Variants in COL18A1 observed in about 807,000 individuals in gnomAD.
COL18A1 encodes the protein collagen type XVIII alpha 1 chain.
In COL18A1, 133 loss-of-function variants were observed where a neutral mutation model predicts 168.0. The ratio of observed to expected loss-of-function variants is 0.79; its 90% confidence interval spans 0.69 to 0.91. COL18A1 has a LOEUF of 0.91. COL18A1 is among the 40% of genes least tolerant of loss of function. The pLI is 0.00. For synonymous variants in COL18A1, 949 were observed against 809.0 expected (o/e 1.17, Z -2.94); for missense variants, 2,126 against 1,925.4 (o/e 1.10, Z -1.95).
intron 2 of COL18A1, among the ~76,000 whole-genome samples, chr21:45,459,108 G>C (rs1025381121): frequency 6.6e-6 from 1 of 152,206 alleles, no homozygotes; most frequent in African/African-American, 2.4e-5. Flanking sequence ...CATTGCCTCT[G>C]GCCAGGGGTG....
intron 2 of COL18A1, among the ~76,000 whole-genome samples, chr21:45,410,310 G>T (rs1437986752): frequency 6.6e-6 from 1 of 152,244 alleles, no homozygotes; most frequent in South Asian, 2.1e-4. Flanking sequence ...GGCAGGGCAG[G>T]CACCAGCACC....
In COL18A1 at chr21:45,510,241, G is replaced by A. The variant is rs77326997; in HGVS notation, c.3673G>A (p.Val1225Met). The part of the protein sequence containing the change: ...SIVRRADRAA[V>M]PIVNLKDELL... ...CGTGCGCCGTGCCGACCGCGCAGCC[G>A]TGCCCATCGTCAACCTCAAGGTGGG... Residue 1225 changes from valine to methionine, a missense_variant, in exon 40 of 42, where the codon GTG (valine) becomes ATG (methionine). Coordinates refer to ENST00000651438, the MANE Select transcript of COL18A1 (RefSeq NM_001379500.1). The A allele has an allele frequency of 1.2e-3, 1,997 of 1,605,796 alleles. 14 individuals carry two copies. In the African/African-American group the frequency reaches 0.022, roughly 18 times the overall value.
At chr21:45,405,308 G>T in intron 1 of COL18A1, 67 bp downstream of exon 1, 1 of 544,576 alleles carries the variant, frequency 1.8e-6, no homozygotes, top group Non-Finnish European at 2.4e-6. Flanking sequence ...CGCGGGGGTC[G>T]CGGGGCTCGG....
At chr21:45,511,461 C>T (rs188715420) in intron 41 of COL18A1, among the ~76,000 whole-genome samples, 10 of 152,288 alleles carry the variant, frequency 6.6e-5, no homozygotes, top group East Asian at 1.9e-4. Flanking sequence ...AAGGTGCCCC[C>T]GGCCCTCTGC....
intron 34 of COL18A1, 115 bp downstream of exon 34, chr21:45,504,671 C>G: frequency 3.4e-6 from 3 of 886,228 alleles, no homozygotes; most frequent in Non-Finnish European, 5.3e-6. Flanking sequence ...CCCCTGCAAG[C>G]TCAGCAGCCC....
Position 45,509,421 on chromosome 21 carries a change from G to A in COL18A1, c.3315G>A (p.Arg1105=), listed in dbSNP as rs2037439139. ...VQLHDSNPYP[R]REHPHPTARP... ...TGCACGACAGCAACCCCTACCCGCG[G>A]CGGGAGCACCCCCACCCCACCGCGC... Residue 1105 remains arginine, a synonymous_variant, in exon 39 of 42, where the codon CGG becomes CGA. Transcript: ENST00000651438. The A allele has an allele frequency of 1.9e-6, 3 of 1,538,716 alleles. No homozygotes were observed. The highest frequency in any genetic ancestry group is 1.9e-4 in the Middle Eastern group (1 of 5,158).
At position 45,505,037 on chromosome 21, in the gene COL18A1, C is replaced by T. The variant is rs756901466; in HGVS notation, c.2869-97C>T. The T allele has an allele frequency of 5.3e-5, 79 of 1,491,354 alleles. 1 individual carries two copies. The South Asian group carries it at 6.3e-4, about 12-fold the overall frequency. The allele number at this position is 1,491,354 out of a possible 1,614,324, so 92.4% of individuals were successfully genotyped here. A position where few individuals can be genotyped will look rare whatever the true frequency, so the allele number is the denominator to read the frequency against. ...GGACCGGTGACTCAGAGGCTGCGCT[C>T]GCCAAGGGGGTCTTGGCAGCTGCAG... On this transcript the variant is annotated intron_variant, in intron 34 of 41. Transcript: ENST00000651438.
intron 15 of COL18A1, 148 bp downstream of exon 15, chr21:45,482,969 G>T (rs1235333786): frequency 8.2e-7 from 1 of 1,226,650 alleles, no homozygotes. Flanking sequence ...CTGTCCATCC[G>T]TCCTGCCGGA....
intron 2 of COL18A1, among the ~76,000 whole-genome samples, chr21:45,459,337 C>T (rs1021451520): frequency 3.9e-5 from 6 of 152,204 alleles, no homozygotes; most frequent in African/African-American, 1.4e-4. Flanking sequence ...GACTTCGAGG[C>T]CCCGAAAGTG....
Position 45,415,517 on chromosome 21 carries a change from G to A in COL18A1, c.106+10044G>A, listed in dbSNP as rs138494622. On this transcript the variant is annotated intron_variant, in intron 2 of 41. Coordinates refer to ENST00000651438, the MANE Select transcript of COL18A1 (RefSeq NM_001379500.1). The stretch of plus-strand genomic sequence containing the variant: ...GGGCAGGACCATGCGCAGGGGCGGC[G>A]GAGCGGGGCTGTGAATGGAGCCCCC... Among the ~76,000 whole-genome samples the A allele has an allele frequency of 3.5e-3, 538 of 152,314 alleles. 1 individual carries two copies. The highest frequency in any genetic ancestry group is 0.013 in the African/African-American group (528 of 41,568).
At chr21:45,461,648 C>G (rs969226237) in intron 2 of COL18A1, among the ~76,000 whole-genome samples, 4 of 152,164 alleles carry the variant, frequency 2.6e-5, no homozygotes, top group Non-Finnish European at 4.4e-5. Flanking sequence ...TTTGTCCTTC[C>G]TAGACCTCAG....
intron 12 of COL18A1, 90 bp downstream of exon 12, chr21:45,480,610 G>C: frequency 6.2e-7 from 1 of 1,613,232 alleles, no homozygotes; most frequent in South Asian, 1.1e-5. Context: ...GGGTCCTGTG[G>C]GGGGTGGGGA....
intron 4 of COL18A1, among the ~76,000 whole-genome samples, chr21:45,474,632 C>T (rs1253160347): frequency 6.7e-6 from 1 of 149,650 alleles, no homozygotes; most frequent in African/African-American, 2.5e-5. Context: ...GGGGAGAATC[C>T]CCCAGCCCCA....
At chr21:45,482,966 T>C in intron 15 of COL18A1, 145 bp downstream of exon 15, 1 of 1,247,192 alleles carries the variant, frequency 8.0e-7, no homozygotes, top group Non-Finnish European at 1.1e-6. Flanking sequence ...CATCTGTCCA[T>C]CCGTCCTGCC....
intron 2 of COL18A1, among the ~76,000 whole-genome samples, chr21:45,464,793 G>T (rs2035147160): frequency 1.3e-5 from 2 of 152,148 alleles, no homozygotes. Flanking sequence ...CGATTTTAAG[G>T]CTTTGTGTGG....
intron 2 of COL18A1, among the ~76,000 whole-genome samples, chr21:45,438,380 ACACT>A (rs776269907): frequency 0.042 from 4,832 of 114,448 alleles, 240 homozygotes; most frequent in African/African-American, 0.082. Context: ...GCACACACAC[ACACT>A]CACACACTCA....
chr21:45,508,207 T>C (rs2146108363), intron 38 of COL18A1, among the ~76,000 whole-genome samples: 1 of 144,688 alleles, frequency 6.9e-6, no homozygotes, highest in East Asian at 2.0e-4. Context: ...GGTGGGTGAG[T>C]GTATGAATGG....
intron 2 of COL18A1, among the ~76,000 whole-genome samples, chr21:45,444,456 G>A (rs912288770): frequency 1.3e-5 from 2 of 152,266 alleles, no homozygotes; most frequent in African/African-American, 2.4e-5. Context: ...TCAGCTGGTC[G>A]TCCGGACTTT....
Position 45,471,407 on chromosome 21 carries a change from T to C in COL18A1, c.652-2488T>C, listed in dbSNP as rs2035424421. Among the ~76,000 whole-genome samples the C allele has an allele frequency of 6.6e-6, 1 of 152,192 alleles. No individual in the cohort carries two copies. The highest frequency in any genetic ancestry group is 2.4e-5 in the African/African-American group (1 of 41,442). On this transcript the variant is annotated intron_variant, in intron 3 of 41. Transcript: ENST00000651438. This position sits in a 1 kb window ranked among gnomAD's most constrained non-coding sequence, Gnocchi z 4.4. The stretch of plus-strand genomic sequence containing the variant: ...ACTTGGGAAAGAAACATTCAAGTTG[T>C]GTGACTCATAATTTTTGGCAGAAAC...
Sources: allele counts gnomAD v4.1 joint callset (sites outside exome capture counted in the v4.1 genomes callset), GRCh38; gene constraint gnomAD v4.1.1; non-coding constraint Gnocchi (gnomAD v3.1); transcripts MANE v1.5; gene names NCBI Gene and HGNC (gene_info 2026-07-23, HGNC 2026-07-21).